CHSY1: variants seen among roughly 807,000 people sequenced by gnomAD.
CHSY1 encodes chondroitin sulfate synthase 1.
In CHSY1, 13 loss-of-function variants were observed where a neutral mutation model predicts 59.8. The observed-to-expected ratio is 0.22, with a 90% CI of 0.14 to 0.35. CHSY1 has a LOEUF of 0.35. CHSY1 is among the 10% of genes least tolerant of loss of function. The pLI, the probability that CHSY1 is intolerant of heterozygous loss-of-function variation, is 1.00. For missense variants in CHSY1, 947 were observed against 1,030.6 expected, an observed-to-expected ratio of 0.92 and a Z score of 1.11; for synonymous variants, 459 against 401.2, an observed-to-expected ratio of 1.14 and a Z score of -1.72.
At chr15:101,181,333 A>T (rs1273604286) in intron 2 of CHSY1, among the ~76,000 whole-genome samples, 4 of 152,220 alleles carry the variant, frequency 2.6e-5, no homozygotes, top group Non-Finnish European at 5.9e-5. Context: ...TTCTACATGT[A>T]TTTGTTTCAA....
Position 101,235,190 on chromosome 15 carries a change from C to G in CHSY1, c.708G>C (p.Val236=). 1 of 1,614,044 alleles carries G rather than the reference C, an allele frequency of 6.2e-7. No individual in the cohort carries two copies. The highest frequency in any genetic ancestry group is 8.5e-7 in the Non-Finnish European group (1 of 1,179,918). Reference sequence around the variant, plus strand: ...CCCGGAGACACTTGCCAATGTGCGGCACCATTCTCCGAAGCACCTCCCGGC... The same window carrying G: ...CCCGGAGACACTTGCCAATGTGCGGGACCATTCTCCGAAGCACCTCCCGGC... ...IMSREVLRRM[V]PHIGKCLREM... is the part of the protein sequence containing the mutation. The change falls in exon 2 of 3, where the codon GTG becomes GTC. Residue 236 remains valine (V), a synonymous_variant. Transcript: ENST00000254190.
intron 1 of CHSY1, among the ~76,000 whole-genome samples, chr15:101,236,135 A>C (rs2038938951): frequency 6.6e-6 from 1 of 152,228 alleles, no homozygotes; most frequent in South Asian, 2.1e-4. Flanking sequence ...AGAGCACAGG[A>C]CATGAGCTGA....
At chr15:101,239,386 A>C (rs896818592) in intron 1 of CHSY1, among the ~76,000 whole-genome samples, 1 of 152,222 alleles carries the variant, frequency 6.6e-6, no homozygotes, top group Non-Finnish European at 1.5e-5. Context: ...TTCAAAGAAC[A>C]ACCAACTAAG....
rs1039513462 is a variant in CHSY1 at position 101,251,094 on chromosome 15, G to T, written c.320+43C>A. On this transcript the variant is annotated intron_variant, in intron 1 of 2. Transcript: ENST00000254190. ...GAGCACCCGGGATGCCGGCCGCCGG[G>T]ATGCCGGACGCAGGAGGCGGTGCCC... The T allele has an allele frequency of 7.9e-6, 12 of 1,525,602 alleles. 1 individual carries two copies. The Admixed American group carries it at 9.6e-5, about 12-fold the overall frequency. 94.5% of individuals were successfully genotyped at this position (1,525,602 alleles called of 1,614,324 possible).
chr15:101,195,577 C>T (rs1313557414), intron 2 of CHSY1, among the ~76,000 whole-genome samples: 2 of 152,136 alleles, frequency 1.3e-5, no homozygotes, highest in African/African-American at 4.8e-5. Flanking sequence ...ATCCCAGCAC[C>T]TTGGGAGGCT....
At chr15:101,225,904 G>C (rs1040586336) in intron 2 of CHSY1, among the ~76,000 whole-genome samples, 19 of 152,140 alleles carry the variant, frequency 1.2e-4, no homozygotes, top group African/African-American at 4.3e-4. Context: ...TTAAGATAAA[G>C]AAAACGATAT....
chr15:101,245,708 G>A (rs1047470495), intron 1 of CHSY1, among the ~76,000 whole-genome samples: 11 of 152,152 alleles, frequency 7.2e-5, no homozygotes, highest in Admixed American at 6.5e-4. Flanking sequence ...GAAATCCCTG[G>A]AATATTGTTT....
chr15:101,229,650 T>TGATCCCA (rs2038873589), intron 2 of CHSY1, among the ~76,000 whole-genome samples: 1 of 152,188 alleles, frequency 6.6e-6, no homozygotes, highest in Non-Finnish European at 1.5e-5. Context: ...CTCACACTTG[T>TGATCCCA]GATCCCAGCA....
Position 101,177,519 on chromosome 15 carries a change from A to G in CHSY1, c.2278T>C (p.Tyr760His). 1.2e-6 allele frequency: 2 copies of G among 1,613,626 alleles called. No homozygotes were observed. Among genetic ancestry groups the G allele is most frequent in the South Asian group, 1.1e-5 (1 of 91,076 alleles). The change falls in exon 3 of 3, where the codon TAC becomes CAC. Residue 760 changes from tyrosine to histidine, a missense_variant. This residue lies in a region of CHSY1 where 602 missense variants were observed against 676.9 expected (regional missense o/e 0.89). Coordinates refer to ENST00000254190, the MANE Select transcript of CHSY1 (RefSeq NM_014918.5). ...FCDPNLDPKQ[Y>H]KMCLGSKAST... ...GCTTTGGACCCCAAGCACATTTTGT[A>G]CTGTTTGGGGTCAAGATTGGGATCA...
chr15:101,178,781 A>G lies in CHSY1; in HGVS notation c.1016T>C (p.Val339Ala), dbSNP rs1299758668. 1 of 1,614,016 alleles carries G rather than the reference A, an allele frequency of 6.2e-7. No homozygotes were observed. Among genetic ancestry groups the G allele is most frequent in the Non-Finnish European group, 8.5e-7 (1 of 1,180,050 alleles). ...HRTIQLHREI[V>A]LMSKYSNTEI... ...TGTGTTGCTGTATTTGCTCATCAGG[A>G]CAATTTCGCGGTGCAGCTGTATTGT... is the stretch of plus-strand genomic sequence containing the variant. The change falls in exon 3 of 3, where the codon GTC (valine) becomes GCC (alanine). Residue 339 changes from valine to alanine, a missense_variant. Val to Ala is a moderately conservative substitution (Grantham distance 64). This residue lies in a region of CHSY1 where 602 missense variants were observed against 676.9 expected (regional missense o/e 0.89). Coordinates refer to ENST00000254190, the MANE Select transcript of CHSY1 (RefSeq NM_014918.5).
intron 1 of CHSY1, among the ~76,000 whole-genome samples, chr15:101,238,783 G>A (rs938646863): frequency 2.6e-5 from 4 of 152,082 alleles, no homozygotes; most frequent in African/African-American, 4.8e-5. Context: ...TTCATTCCAC[G>A]GTTATTAACA....
At position 101,251,179 on chromosome 15, in the gene CHSY1, G is replaced by A; in HGVS notation, c.278C>T (p.Thr93Ile). ...DRNFLFVGVM[T>I]AQKYLQTRAV... Reference sequence around the variant, plus strand: ...CCGAGTCTGCAGGTATTTCTGGGCGGTCATGACTCCCACGAAGAGAAAGTT... The same window carrying A: ...CCGAGTCTGCAGGTATTTCTGGGCGATCATGACTCCCACGAAGAGAAAGTT... The change falls in exon 1 of 3, where the codon ACC (threonine) becomes ATC (isoleucine). Residue 93 changes from threonine (T) to isoleucine (I), a missense_variant. By Grantham distance (89) the Thr-to-Ile change is moderately conservative. Around this residue, in one of 4 missense-constraint regions of CHSY1, gnomAD observed 232 missense variants for 188.5 expected, o/e 1.23. Coordinates refer to ENST00000254190, the MANE Select transcript of CHSY1 (RefSeq NM_014918.5). 1 of 1,600,284 alleles carries A rather than the reference G, an allele frequency of 6.2e-7. No homozygotes were observed. The highest frequency in any genetic ancestry group is 8.5e-7 in the Non-Finnish European group (1 of 1,176,508).
intron 2 of CHSY1, among the ~76,000 whole-genome samples, chr15:101,202,390 G>A (rs8036062): frequency 1.2e-5 from 1 of 82,004 alleles, no homozygotes; most frequent in Non-Finnish European, 2.2e-5. Context: ...GGCTGCAGGG[G>A]AGGATGGAGG....
chr15:101,183,647 G>T (rs889815965), intron 2 of CHSY1, among the ~76,000 whole-genome samples: 1 of 152,214 alleles, frequency 6.6e-6, no homozygotes, highest in Admixed American at 6.5e-5. Context: ...GAAACAAGAC[G>T]CATGGGCCAG....
rs769993716 is a variant in CHSY1, at chr15:101,178,153, C to A, written c.1644G>T (p.Val548=). The A allele has an allele frequency of 1.2e-6, 2 of 1,614,218 alleles. No homozygotes were observed. The highest frequency in any genetic ancestry group is 1.7e-6 in the Non-Finnish European group (2 of 1,180,038). ...IPLSGRFDMF[V]RFMGNFEKTC... Reference sequence around the variant, plus strand: ...TCTTCTCAAAGTTTCCCATAAATCTCACAAACATGTCGAAACGCCCAGACA... The same window carrying A: ...TCTTCTCAAAGTTTCCCATAAATCTAACAAACATGTCGAAACGCCCAGACA... The change falls in exon 3 of 3, where the codon GTG becomes GTT. Residue 548 remains valine, a synonymous_variant. Transcript: ENST00000254190.
intron 2 of CHSY1, 132 bp from the exon 3 acceptor site, chr15:101,179,112 C>G: frequency 1.2e-6 from 1 of 824,362 alleles, no homozygotes; most frequent in South Asian, 1.5e-5. Flanking sequence ...AGATAAGGCC[C>G]GATCAACAGC....
chr15:101,245,091 C>CCGCT (rs1249460213), intron 1 of CHSY1, among the ~76,000 whole-genome samples: 4 of 152,208 alleles, frequency 2.6e-5, no homozygotes, highest in Admixed American at 2.0e-4. Context: ...AGCAGCAACA[C>CCGCT]CGCTGGGCTG....
chr15:101,213,617 C>T (rs555518166), intron 2 of CHSY1, among the ~76,000 whole-genome samples: 3 of 152,192 alleles, frequency 2.0e-5, no homozygotes, highest in Non-Finnish European at 4.4e-5. Context: ...ATGTATTCCA[C>T]ACAATAGCTG....
chr15:101,196,686 C>T (rs1366097575), intron 2 of CHSY1, among the ~76,000 whole-genome samples: 1 of 152,104 alleles, frequency 6.6e-6, no homozygotes. Flanking sequence ...GCAATAAAGC[C>T]ACAATTTAAA....
Sources: gnomAD v4.1 joint callset for allele counts (sites outside exome capture counted in the v4.1 genomes callset) on GRCh38, gnomAD v4.1.1 for gene constraint, gnomAD v4.1.1 regional missense constraint, MANE v1.5 for transcripts, NCBI Gene and HGNC (gene_info 2026-07-23, HGNC 2026-07-21) for gene names.